Variants in GAD2 observed in about 807,000 individuals in gnomAD.
The protein encoded by GAD2 is glutamate decarboxylase 2.
A neutral mutation model predicts 80.1 loss-of-function variants in GAD2; 22 were observed. The ratio of observed to expected loss-of-function variants is 0.27; its 90% CI spans 0.20 to 0.39. The LOEUF (loss-of-function observed/expected upper bound fraction) is 0.39. Among genes scored for constraint, GAD2 ranks in the 10% least tolerant of loss-of-function variants. The probability of loss-of-function intolerance (pLI) is 1.00; values close to 1 mark genes in which losing one functional copy is unlikely to be tolerated. For missense variants in GAD2, 624 were observed against 738.4 expected (o/e 0.85, Z 1.80); for synonymous variants, 274 against 256.9 (o/e 1.07, Z -0.64).
intron 7 of GAD2, among the ~76,000 whole-genome samples, chr10:26,245,035 C>T (rs1485448493): frequency 1.3e-5 from 2 of 151,814 alleles, no homozygotes; most frequent in African/African-American, 4.8e-5. Flanking sequence ...CACCTGTAAT[C>T]CCAGCTACTT....
At chr10:26,281,128 C>A in intron 12 of GAD2, 41 bp downstream of exon 12, 2 of 1,381,540 alleles carry the variant, frequency 1.4e-6, no homozygotes, top group Non-Finnish European at 2.1e-6. Context: ...CGTGCGTGGG[C>A]TTTGACTGTC....
At chr10:26,281,160 G>A (rs753286398) in intron 12 of GAD2, 73 bp downstream of exon 12, 203 of 1,123,730 alleles carry the variant, frequency 1.8e-4, no homozygotes, top group Middle Eastern at 2.5e-4. Flanking sequence ...GACTTTCTCT[G>A]GAAATGTCAA....
intron 7 of GAD2, among the ~76,000 whole-genome samples, chr10:26,233,979 T>TC (rs1281173320): frequency 6.6e-6 from 1 of 152,128 alleles, no homozygotes; most frequent in African/African-American, 2.4e-5. Flanking sequence ...AACTTGTGCC[T>TC]CAGTGCCTGG....
intron 12 of GAD2, among the ~76,000 whole-genome samples, chr10:26,282,506 T>C (rs1248496301): frequency 6.6e-6 from 1 of 152,050 alleles, no homozygotes; most frequent in African/African-American, 2.4e-5. Flanking sequence ...ACCTCATATA[T>C]ACATGTTGAT....
chr10:26,238,721 T>C (rs1293766530), intron 7 of GAD2, among the ~76,000 whole-genome samples: 1 of 152,218 alleles, frequency 6.6e-6, no homozygotes, highest in Non-Finnish European at 1.5e-5. Context: ...TCATTATAAT[T>C]AGAAACCAAT....
chr10:26,277,833 G>A (rs575468260), intron 11 of GAD2, among the ~76,000 whole-genome samples: 2 of 152,336 alleles, frequency 1.3e-5, no homozygotes, highest in Admixed American at 6.5e-5. Context: ...AGGTTGAGCA[G>A]TGGCGATTGG....
intron 8 of GAD2, among the ~76,000 whole-genome samples, chr10:26,251,668 T>C (rs141216632): frequency 8.5e-5 from 13 of 152,372 alleles, no homozygotes; most frequent in African/African-American, 3.1e-4. Context: ...TTCTTACTAA[T>C]TGAAATGATA....
At chr10:26,278,977 C>T (rs527487639) in intron 11 of GAD2, among the ~76,000 whole-genome samples, 6 of 152,064 alleles carry the variant, frequency 3.9e-5, no homozygotes, top group African/African-American at 1.4e-4. Context: ...GTCCATTGTA[C>T]GGCCAGACAG....
intron 8 of GAD2, among the ~76,000 whole-genome samples, chr10:26,250,403 T>C (rs1446043550): frequency 6.6e-6 from 1 of 152,214 alleles, no homozygotes; most frequent in African/African-American, 2.4e-5. Context: ...TACCCCTGTC[T>C]ACTCACATAC....
chr10:26,293,315 A>C (rs1269657284), intron 15 of GAD2, among the ~76,000 whole-genome samples: 2 of 151,186 alleles, frequency 1.3e-5, no homozygotes, highest in Non-Finnish European at 2.9e-5. Flanking sequence ...GTAGCTGGGA[A>C]TACAGGCACT....
At chr10:26,256,445 G>A (rs1394088504) in intron 8 of GAD2, among the ~76,000 whole-genome samples, 2 of 152,258 alleles carry the variant, frequency 1.3e-5, no homozygotes, top group East Asian at 3.9e-4. Flanking sequence ...CGTTTCTTCA[G>A]TTGTCCCAAT....
intron 7 of GAD2, among the ~76,000 whole-genome samples, chr10:26,230,722 A>G (rs901536258): frequency 6.6e-6 from 1 of 151,596 alleles, no homozygotes; most frequent in African/African-American, 2.4e-5. Flanking sequence ...GGCGTGAGCC[A>G]CCATCATACC....
At chr10:26,262,424 A>C (rs1320180432) in intron 8 of GAD2, among the ~76,000 whole-genome samples, 1 of 151,846 alleles carries the variant, frequency 6.6e-6, no homozygotes, top group Non-Finnish European at 1.5e-5. Context: ...TATTCATAAC[A>C]TCTCTTTCAT....
Position 26,245,725 on chromosome 10 carries a change from A to C in GAD2, c.841-196A>C, listed in dbSNP as rs111863980. ...CCAAAGTGCTGGGATTACAGGCATG[A>C]GCCACCACGCCCAGCTGTTTCACCA... On this transcript the variant is annotated intron_variant, in intron 7 of 15. Coordinates refer to ENST00000376261, the MANE Select transcript of GAD2 (RefSeq NM_001134366.2). Among the ~76,000 whole-genome samples the C allele has an allele frequency of 2.3e-3, 352 of 152,284 alleles. 3 individuals carry two copies. Among genetic ancestry groups the C allele is most frequent in the African/African-American group, 8.3e-3 (345 of 41,558 alleles).
At chr10:26,242,042 G>A (rs915497136) in intron 7 of GAD2, among the ~76,000 whole-genome samples, 7 of 152,002 alleles carry the variant, frequency 4.6e-5, no homozygotes, top group East Asian at 1.9e-4. Flanking sequence ...GTGCAGTGGC[G>A]TGATCTTGGC....
rs115301041 is a variant in GAD2 at position 26,219,336 on chromosome 10, T to C, written c.520+60T>C. ...TCGTTTACAATTTTTATTTTATTTT[T>C]TTCTATAAAATGTTTTGTTTGATGG... On this transcript the variant is annotated intron_variant, in intron 4 of 15. Coordinates refer to ENST00000376261, the MANE Select transcript of GAD2 (RefSeq NM_001134366.2). 828 of 1,143,194 alleles carry C rather than the reference T, an allele frequency of 7.2e-4. 8 individuals carry two copies. The African/African-American group carries it at 0.012, about 16-fold the overall frequency. The allele number at this position is 1,143,194 out of a possible 1,614,324, so 70.8% of individuals were successfully genotyped here.
chr10:26,218,549 T>TCACACACACACACACA (rs1373210337), intron 3 of GAD2, among the ~76,000 whole-genome samples: 1 of 57,324 alleles, frequency 1.7e-5, no homozygotes, highest in East Asian at 1.0e-3. Flanking sequence ...TCTCTCTCTC[T>TCACACACACACACACA]CTCACACACA....
chr10:26,224,287 T>G (rs910072413), intron 5 of GAD2, among the ~76,000 whole-genome samples: 6 of 152,230 alleles, frequency 3.9e-5, no homozygotes, highest in African/African-American at 1.4e-4. Context: ...TCTGCAATAT[T>G]TTTTATTTAT....
At chr10:26,259,091 T>C (rs1001525973) in intron 8 of GAD2, among the ~76,000 whole-genome samples, 1 of 152,214 alleles carries the variant, frequency 6.6e-6, no homozygotes, top group Admixed American at 6.5e-5. Flanking sequence ...GTGCTGGGAT[T>C]ACAGGCGTGA....
Sources: allele counts gnomAD v4.1 joint callset (sites outside exome capture counted in the v4.1 genomes callset), GRCh38; gene constraint gnomAD v4.1.1; transcripts MANE v1.5; gene names NCBI Gene and HGNC (gene_info 2026-07-23, HGNC 2026-07-21).